Variants in SMARCAL1 observed in about 807,000 individuals in gnomAD.
The protein encoded by SMARCAL1 is ATP-driven annealing helicase.
Under a neutral mutation model 94.5 loss-of-function variants are expected in SMARCAL1, and 58 were observed. The observed-to-expected ratio is 0.61, with a 90% CI of 0.50 to 0.76. The LOEUF is 0.76. Ranked by LOEUF, SMARCAL1 falls within the 30% of genes least tolerant of loss-of-function variation. SMARCAL1 has a pLI of 0.00. For synonymous variants in SMARCAL1, 422 were observed against 455.1 expected, an observed-to-expected ratio of 0.93 and a Z score of 0.93; for missense variants, 1,051 against 1,177.9, an observed-to-expected ratio of 0.89 and a Z score of 1.58.
chr2:216,436,634 T>C (rs1415569336), intron 9 of SMARCAL1, among the ~76,000 whole-genome samples: 2 of 152,332 alleles, frequency 1.3e-5, no homozygotes, highest in Admixed American at 6.5e-5. Flanking sequence ...CAAATTCAAG[T>C]GTGGCTTTGA....
Position 216,450,925 on chromosome 2 carries a change from GGC to G in SMARCAL1, c.1934_1935del (p.Arg645ProfsTer46), listed in dbSNP as rs1694436631. On this transcript the variant is annotated frameshift_variant, in exon 12 of 18. Coordinates refer to ENST00000357276, the MANE Select transcript of SMARCAL1 (RefSeq NM_014140.4). LOFTEE classifies it high-confidence loss of function. ...CTGCTGGAGGAAGCAGTCATGCTGCGGCGCCTCAAGTCCGACGTCCTTTCCCA... is the reference window on the plus strand; with the variant it reads ...CTGCTGGAGGAAGCAGTCATGCTGCGGCCTCAAGTCCGACGTCCTTTCCCA... 9.3e-6 allele frequency: 15 copies of G among 1,614,206 alleles called. No homozygotes were observed. Among genetic ancestry groups the G allele is most frequent in the Non-Finnish European group, 1.3e-5 (15 of 1,180,040 alleles).
At chr2:216,445,461 A>G (rs926458145) in intron 10 of SMARCAL1, among the ~76,000 whole-genome samples, 4 of 152,222 alleles carry the variant, frequency 2.6e-5, no homozygotes, top group Admixed American at 2.0e-4. Context: ...ACATCCTATA[A>G]GTATCTGACA....
chr2:216,445,774 C>T (rs1443185737), intron 10 of SMARCAL1, among the ~76,000 whole-genome samples: 1 of 152,180 alleles, frequency 6.6e-6, no homozygotes, highest in East Asian at 1.9e-4. Context: ...GCTCTCCCAT[C>T]ATAATGGAAT....
intron 5 of SMARCAL1, among the ~76,000 whole-genome samples, chr2:216,421,869 G>A (rs1021515665): frequency 3.7e-4 from 56 of 152,326 alleles, no homozygotes; most frequent in African/African-American, 1.3e-3. Flanking sequence ...CTTAACAAGA[G>A]CTTTCATCAG....
intron 5 of SMARCAL1, among the ~76,000 whole-genome samples, chr2:216,422,515 G>A (rs1277732980): frequency 6.6e-6 from 1 of 152,204 alleles, no homozygotes; most frequent in Non-Finnish European, 1.5e-5. Context: ...ACCGTGATTG[G>A]TTCCTTTGCC....
intron 10 of SMARCAL1, among the ~76,000 whole-genome samples, chr2:216,446,046 C>T (rs899781329): frequency 6.6e-6 from 1 of 152,124 alleles, no homozygotes; most frequent in African/African-American, 2.4e-5. Flanking sequence ...GGTCCGTTCC[C>T]AGAGCTGAAG....
At chr2:216,469,490 T>G (rs554747260) in intron 14 of SMARCAL1, among the ~76,000 whole-genome samples, 1 of 152,086 alleles carries the variant, frequency 6.6e-6, no homozygotes, top group South Asian at 2.1e-4. Context: ...CACCGTGTGT[T>G]AGCCAGGATG....
intron 12 of SMARCAL1, among the ~76,000 whole-genome samples, chr2:216,459,195 A>C (rs920889731): frequency 6.6e-6 from 1 of 152,250 alleles, no homozygotes; most frequent in Non-Finnish European, 1.5e-5. Context: ...GGATACAGAC[A>C]AATGGAAGAA....
chr2:216,477,164 G>C lies in SMARCAL1; in HGVS notation c.2483G>C (p.Gly828Ala). 6.3e-7 allele frequency: 1 copy of C among 1,596,908 alleles called. No homozygotes were observed. Among genetic ancestry groups the C allele is most frequent in the Non-Finnish European group, 8.5e-7 (1 of 1,171,870 alleles). ...CGCATTGGACAGACCAGCTCCGTGG[G>C]CATTCACTACCTCGTGGCAAAGGGC... Reference protein sequence around the residue: ...VHRIGQTSSVGIHYLVAKGTA... With the variant: ...VHRIGQTSSVAIHYLVAKGTA... Residue 828 changes from glycine (G) to alanine (A), a missense_variant, in exon 16 of 18, where the codon GGC becomes GCC. Physicochemically the swap from Gly to Ala is moderately conservative, Grantham distance 60. Coordinates refer to ENST00000357276, the MANE Select transcript of SMARCAL1 (RefSeq NM_014140.4).
chr2:216,470,838 C>CAAAAAAAA (rs55763206), intron 14 of SMARCAL1, among the ~76,000 whole-genome samples: 3 of 48,070 alleles, frequency 6.2e-5, no homozygotes, highest in Non-Finnish European at 6.6e-5. Flanking sequence ...AAGAACATCT[C>CAAAAAAAA]AAAAAAAAAA....
rs79008053 is a variant in SMARCAL1 at position 216,482,547 on chromosome 2, G to T, written c.2626-191G>T. On this transcript the variant is annotated intron_variant, in intron 17 of 17. Coordinates refer to ENST00000357276, the MANE Select transcript of SMARCAL1 (RefSeq NM_014140.4). This position sits in a 1 kb window ranked among gnomAD's most constrained non-coding sequence, Gnocchi z 4.3. ...TGAGCACAGAGAGGGTAAGATGTCA[G>T]ACACTAAAACAGTGAGGCTGCTTTA... Among the ~76,000 whole-genome samples, 2,887 of 152,268 alleles carry T rather than the reference G, an allele frequency of 0.019. 108 individuals carry two copies. Among genetic ancestry groups the T allele is most frequent in the African/African-American group, 0.066 (2,745 of 41,546 alleles).
chr2:216,432,495 C>A (rs1479740643), intron 7 of SMARCAL1, among the ~76,000 whole-genome samples: 1 of 152,180 alleles, frequency 6.6e-6, no homozygotes, highest in South Asian at 2.1e-4. Flanking sequence ...TGACCACATT[C>A]CACATTTTTC....
chr2:216,417,393 A>G (rs1018020460), intron 4 of SMARCAL1, among the ~76,000 whole-genome samples: 3 of 152,150 alleles, frequency 2.0e-5, no homozygotes. Context: ...TGGAAGCCTG[A>G]GATTGGTAGG....
At chr2:216,446,530 T>C (rs1350779283) in intron 10 of SMARCAL1, 1 of 364,392 alleles carries the variant, frequency 2.7e-6, no homozygotes, top group African/African-American at 2.1e-5. Context: ...TCAACTTGCA[T>C]GTCACAGATC....
intron 12 of SMARCAL1, among the ~76,000 whole-genome samples, chr2:216,462,366 T>G (rs1694723883): frequency 6.6e-6 from 1 of 152,158 alleles, no homozygotes; most frequent in Admixed American, 6.5e-5. Context: ...GAGGCACACA[T>G]GCTGCGAGTG....
At chr2:216,413,729 C>T (rs921720908) in intron 1 of SMARCAL1, 127 bp from the exon 2 acceptor site, 13 of 152,112 alleles carry the variant, frequency 8.5e-5, no homozygotes, top group African/African-American at 3.1e-4. Context: ...GGTCCTAAGG[C>T]CAGCTGCTCT....
At chr2:216,428,533 C>T (rs1298479136) in intron 6 of SMARCAL1, 63 bp from the exon 7 acceptor site, 3 of 1,510,138 alleles carry the variant, frequency 2.0e-6, no homozygotes, top group South Asian at 2.3e-5. Context: ...CCCAAAGCTC[C>T]TCTTTCTCCA....
chr2:216,464,196 G>C (rs1185252160), intron 12 of SMARCAL1, among the ~76,000 whole-genome samples: 1 of 152,206 alleles, frequency 6.6e-6, no homozygotes, highest in African/African-American at 2.4e-5. Context: ...CAAAAAGCAA[G>C]TTGGGGAAAT....
At chr2:216,451,510 C>G (rs1694448703) in intron 12 of SMARCAL1, 1 of 195,884 alleles carries the variant, frequency 5.1e-6, no homozygotes, top group Admixed American at 5.3e-5. Context: ...ATTCTTATAA[C>G]AAAATAGAGT....
Sources: allele counts gnomAD v4.1 joint callset (sites outside exome capture counted in the v4.1 genomes callset), GRCh38; gene constraint gnomAD v4.1.1; non-coding constraint Gnocchi (gnomAD v3.1); transcripts MANE v1.5; gene names NCBI Gene and HGNC (gene_info 2026-07-23, HGNC 2026-07-21).